The following TBX2 variants were observed in gnomAD, a reference collection of about 807,000 sequenced individuals.
The protein encoded by TBX2 is T-box transcription factor TBX2.
TBX2 carries 19 observed loss-of-function variants against 48.4 expected under a neutral mutation model. The observed-to-expected ratio is 0.39, with a 90% CI of 0.27 to 0.58. The LOEUF is 0.58. TBX2 is among the 20% of genes least tolerant of loss of function. The pLI is 0.54. For synonymous variants in TBX2, 522 were observed against 459.7 expected (o/e 1.14, Z -1.73); for missense variants, 994 against 1,006.5 (o/e 0.99, Z 0.17).
chr17:61,400,771 A>G lies in TBX2; in HGVS notation c.395+200A>G, dbSNP rs2060260858. Among the ~76,000 whole-genome samples the G allele has an allele frequency of 6.6e-6, 1 of 152,286 alleles. No individual in the cohort carries two copies. The highest frequency in any genetic ancestry group is 1.9e-4 in the East Asian group (1 of 5,168). On this transcript the variant is annotated intron_variant, in intron 1 of 6. Coordinates refer to ENST00000240328, the MANE Select transcript of TBX2 (RefSeq NM_005994.4). This position sits in a 1 kb window ranked among gnomAD's most constrained non-coding sequence, Gnocchi z 9.2. ...ACCGGAGCGATTTTTTTTTAAAACA[A>G]AAACGCTAAAATCCTCCGAATGAAA...
Position 61,405,335 on chromosome 17 carries a change from C to T in TBX2, c.1185C>T (p.Arg395=). Residue 395 remains arginine, a synonymous_variant, in exon 6 of 7, where the codon CGC becomes CGT. Transcript: ENST00000240328. ...ASPTRLTEPE[R]ARERRSPERG... is the part of the protein sequence containing the mutation. ...CCACTCGCTTGACCGAACCCGAGCG[C>T]GCCCGGGAGCGGCGTAGTCCCGAGA... 1 of 1,545,558 alleles carries T rather than the reference C, an allele frequency of 6.5e-7. No homozygotes were observed. The highest frequency in any genetic ancestry group is 8.7e-7 in the Non-Finnish European group (1 of 1,152,240).
In TBX2 at chr17:61,405,706, G is replaced by A; in HGVS notation, c.1556G>A (p.Gly519Asp). The A allele has an allele frequency of 7.3e-7, 1 of 1,377,186 alleles. No homozygotes were observed. The allele number at this position is 1,377,186 out of a possible 1,614,324, so 85.3% of individuals were successfully genotyped here. The change falls in exon 6 of 7, where the codon GGC (glycine) becomes GAC (aspartate). Residue 519 changes from glycine (G) to aspartate (D), a missense_variant. This residue lies in a region of TBX2 where 639 missense variants were observed against 613.2 expected (regional missense o/e 1.04). Coordinates refer to ENST00000240328, the MANE Select transcript of TBX2 (RefSeq NM_005994.4). ...CTACTGGCCTCGGTGGCAGGCGGCGGCAACGGCGGAGGTGGCGGGCCTGGG... is the reference window on the plus strand; with the variant it reads ...CTACTGGCCTCGGTGGCAGGCGGCGACAACGGCGGAGGTGGCGGGCCTGGG... ...GHLLASVAGGGNGGGGGPGTA... is the reference protein window; with the variant it reads ...GHLLASVAGGDNGGGGGPGTA...
In TBX2 at chr17:61,403,469, T is replaced by C. The variant is rs940735276; in HGVS notation, c.810+262T>C. Among the ~76,000 whole-genome samples the C allele has an allele frequency of 1.3e-5, 2 of 152,294 alleles. No individual in the cohort carries two copies. Among genetic ancestry groups the C allele is most frequent in the South Asian group, 2.1e-4 (1 of 4,838 alleles). ...CCGTCGTTCTGATGGAGATGTTTAC[T>C]TAACAATTAGCTGAGACTCCGGGCC... On this transcript the variant is annotated intron_variant, in intron 3 of 6. Coordinates refer to ENST00000240328, the MANE Select transcript of TBX2 (RefSeq NM_005994.4). The surrounding 1 kb of genome is among the most constrained non-coding windows in gnomAD (Gnocchi z 5.8).
At chr17:61,401,988 T>A (rs369052605) in intron 2 of TBX2, 37 bp downstream of exon 2, 2 of 1,550,296 alleles carry the variant, frequency 1.3e-6, no homozygotes, top group African/African-American at 1.4e-5. Flanking sequence ...GTGCAGGAGC[T>A]TGTTGACCCA....
In TBX2 at chr17:61,404,752, G is replaced by T. The variant is rs370843795; in HGVS notation, c.1034G>T (p.Arg345Leu). The T allele has an allele frequency of 6.5e-7, 1 of 1,548,366 alleles. No individual in the cohort carries two copies. The highest frequency in any genetic ancestry group is 8.7e-7 in the Non-Finnish European group (1 of 1,149,524). ...CCGGGCGCAGCGCCCAGTCCGCTGC[G>T]CCTGCACCGGGCCCGAGGTGAGGGT... is the stretch of plus-strand genomic sequence containing the variant. Reference protein sequence around the residue: ...TSPGAAPSPLRLHRARAEEKS... With the variant: ...TSPGAAPSPLLLHRARAEEKS... The change falls in exon 5 of 7, where the codon CGC (arginine) becomes CTC (leucine). Residue 345 changes from arginine to leucine, a missense_variant. Arg to Leu is a moderately radical substitution (Grantham distance 102, BLOSUM62 -2). Around this residue, in one of 5 missense-constraint regions of TBX2, gnomAD observed 639 missense variants for 613.2 expected, o/e 1.04. Transcript: ENST00000240328.
At chr17:61,401,997 C>A in intron 2 of TBX2, 46 bp downstream of exon 2, 1 of 1,540,552 alleles carries the variant, frequency 6.5e-7, no homozygotes, top group Non-Finnish European at 8.7e-7. Context: ...CTTGTTGACC[C>A]AGCACTGCAG....
rs1364709483 is a variant in TBX2, at chr17:61,400,235, G to A, written c.59G>A (p.Arg20Gln). The change falls in exon 1 of 7, where the codon CGG becomes CAG. Residue 20 changes from arginine to glutamine, a missense_variant. Physicochemically the swap from Arg to Gln is conservative, Grantham distance 43. Coordinates refer to ENST00000240328, the MANE Select transcript of TBX2 (RefSeq NM_005994.4). The surrounding 1 kb of genome is among the most constrained non-coding windows in gnomAD (Gnocchi z 9.2). ...AMAYHPFHAP[R>Q]PADFPMSAFL... is the part of the protein sequence containing the mutation. Reference sequence around the variant, plus strand: ...GCTTACCACCCGTTCCACGCGCCACGGCCCGCCGACTTCCCCATGTCCGCC... The same window carrying A: ...GCTTACCACCCGTTCCACGCGCCACAGCCCGCCGACTTCCCCATGTCCGCC... 62 of 1,215,720 alleles carry A rather than the reference G, an allele frequency of 5.1e-5. No individual in the cohort carries two copies. The highest frequency in any genetic ancestry group is 6.2e-5 in the Non-Finnish European group (59 of 952,210). 75.3% of individuals were successfully genotyped at this position (1,215,720 alleles called of 1,614,324 possible).
rs1267601262 is a variant in TBX2, at chr17:61,401,091, C to T, written c.395+520C>T. Among the ~76,000 whole-genome samples, 7 of 152,194 alleles carry T rather than the reference C, an allele frequency of 4.6e-5. No individual in the cohort carries two copies. In the East Asian group the frequency reaches 9.7e-4, roughly 21 times the overall value. The stretch of plus-strand genomic sequence containing the variant: ...CGGGCTGGGAGCCCTTTCTCCACCG[C>T]GGGCATCCGAGCCCTGGACGCATCC... On this transcript the variant is annotated intron_variant, in intron 1 of 6. Coordinates refer to ENST00000240328, the MANE Select transcript of TBX2 (RefSeq NM_005994.4).
chr17:61,403,340 G>T lies in TBX2; in HGVS notation c.810+133G>T. On this transcript the variant is annotated intron_variant, in intron 3 of 6. Coordinates refer to ENST00000240328, the MANE Select transcript of TBX2 (RefSeq NM_005994.4). The surrounding 1 kb of genome is among the most constrained non-coding windows in gnomAD (Gnocchi z 5.8). Reference sequence around the variant, plus strand: ...CTCTTGCGGCCCGCCCCCGAGCACCGAGCCTCGCATCCATACGCGCAGCAC... The same window carrying T: ...CTCTTGCGGCCCGCCCCCGAGCACCTAGCCTCGCATCCATACGCGCAGCAC... The T allele has an allele frequency of 1.4e-6, 2 of 1,396,000 alleles. No individual in the cohort carries two copies. Among genetic ancestry groups the T allele is most frequent in the Non-Finnish European group, 9.6e-7 (1 of 1,045,840 alleles). The allele number at this position is 1,396,000 out of a possible 1,614,324, so 86.5% of individuals were successfully genotyped here. A position where few individuals can be genotyped will look rare whatever the true frequency, so the allele number is the denominator to read the frequency against.
At chr17:61,404,005 G>T (rs560843159) in intron 3 of TBX2, among the ~76,000 whole-genome samples, 1 of 152,186 alleles carries the variant, frequency 6.6e-6, no homozygotes, top group Non-Finnish European at 1.5e-5. Context: ...ACTTGCGTGT[G>T]TGCGAGCCCG....
At position 61,408,773 on chromosome 17, in the gene TBX2, G is replaced by A; in HGVS notation, c.*267G>A. 2 of 382,620 alleles carry A rather than the reference G, an allele frequency of 5.2e-6. No individual in the cohort carries two copies. 23.7% of individuals were successfully genotyped at this position (382,620 alleles called of 1,614,324 possible). A position where few individuals can be genotyped will look rare whatever the true frequency, so the allele number is the denominator to read the frequency against. ...CAGCGTCAAGGTGGCATCCGAAGGTGTCTCTGGTCTTCCAGCGAGGTGGGA... is the reference window on the plus strand; with the variant it reads ...CAGCGTCAAGGTGGCATCCGAAGGTATCTCTGGTCTTCCAGCGAGGTGGGA... On this transcript the variant is annotated 3_prime_UTR_variant, in exon 7 of 7. Transcript: ENST00000240328.
At chr17:61,407,933 C>T (rs902668020) in intron 6 of TBX2, 121 bp from the exon 7 acceptor site, 77 of 1,275,850 alleles carry the variant, frequency 6.0e-5, no homozygotes, top group Non-Finnish European at 7.8e-5. Flanking sequence ...TATAGTTATG[C>T]GAATTGTGGT....
At position 61,404,657 on chromosome 17, in the gene TBX2, C is replaced by G. The variant is rs1300801858; in HGVS notation, c.939C>G (p.Pro313=). 6 of 1,589,740 alleles carry G rather than the reference C, an allele frequency of 3.8e-6. No individual in the cohort carries two copies. The highest frequency in any genetic ancestry group is 2.3e-5 in the East Asian group (1 of 44,190). The change falls in exon 5 of 7, where the codon CCC becomes CCG. Residue 313 remains proline (P), a synonymous_variant. Coordinates refer to ENST00000240328, the MANE Select transcript of TBX2 (RefSeq NM_005994.4). ...SLRLYEEHCK[P]ERDGAESDAS... is the part of the protein sequence containing the mutation. ...GCTTGTACGAGGAGCACTGCAAACC[C>G]GAGCGCGATGGCGCGGAGTCAGACG... is the stretch of plus-strand genomic sequence containing the variant.
rs1569018378 is a variant in TBX2 at position 61,408,690 on chromosome 17, A to G, written c.*184A>G. 1.4e-5 allele frequency: 7 copies of G among 512,968 alleles called. No homozygotes were observed. The highest frequency in any genetic ancestry group is 2.2e-5 in the Non-Finnish European group (7 of 316,642). 31.8% of individuals were successfully genotyped at this position (512,968 alleles called of 1,614,324 possible). On this transcript the variant is annotated 3_prime_UTR_variant, in exon 7 of 7. Coordinates refer to ENST00000240328, the MANE Select transcript of TBX2 (RefSeq NM_005994.4). ...GACACTTCCCTGGGCCTCAACAAGGATCAGGCTGCTGGAAACACAGTCACT... is the reference window on the plus strand; with the variant it reads ...GACACTTCCCTGGGCCTCAACAAGGGTCAGGCTGCTGGAAACACAGTCACT...
In TBX2 at chr17:61,403,015, C is replaced by G; in HGVS notation, c.664-46C>G. The G allele has an allele frequency of 1.9e-6, 3 of 1,564,740 alleles. No individual in the cohort carries two copies. Among genetic ancestry groups the G allele is most frequent in the Non-Finnish European group, 2.6e-6 (3 of 1,161,704 alleles). Reference sequence around the variant, plus strand: ...CAGGTACCCAAAGAATAGAAAAGCTCGGGCCGGGGCTGGTGGCTGCCGGCT... The same window carrying G: ...CAGGTACCCAAAGAATAGAAAAGCTGGGGCCGGGGCTGGTGGCTGCCGGCT... On this transcript the variant is annotated intron_variant, in intron 2 of 6. Coordinates refer to ENST00000240328, the MANE Select transcript of TBX2 (RefSeq NM_005994.4). This position sits in a 1 kb window ranked among gnomAD's most constrained non-coding sequence, Gnocchi z 5.8.
At position 61,408,259 on chromosome 17, in the gene TBX2, C is replaced by G; in HGVS notation, c.1892C>G (p.Pro631Arg). 1 of 1,612,850 alleles carries G rather than the reference C, an allele frequency of 6.2e-7. No individual in the cohort carries two copies. The highest frequency in any genetic ancestry group is 8.5e-7 in the Non-Finnish European group (1 of 1,179,920). ...FSPYQIPVTI[P>R]PSTSLLTTGL... ...CCCTATCAGATCCCGGTCACCATCCCGCCTAGCACTAGCCTCCTCACCACC... is the reference window on the plus strand; with the variant it reads ...CCCTATCAGATCCCGGTCACCATCCGGCCTAGCACTAGCCTCCTCACCACC... Residue 631 changes from proline (P) to arginine (R), a missense_variant, in exon 7 of 7, where the codon CCG becomes CGG. Pro to Arg is a moderately radical substitution (Grantham distance 103). Coordinates refer to ENST00000240328, the MANE Select transcript of TBX2 (RefSeq NM_005994.4).
At chr17:61,407,814 C>T (rs1371315599) in intron 6 of TBX2, 2 of 542,530 alleles carry the variant, frequency 3.7e-6, no homozygotes, top group Non-Finnish European at 6.4e-6. Context: ...TAATGCCCAG[C>T]ACAGAACTTG....
Position 61,403,114 on chromosome 17 carries a change from C to G in TBX2, c.717C>G (p.Ala239=). The G allele has an allele frequency of 6.2e-7, 1 of 1,613,838 alleles. No homozygotes were observed. The highest frequency in any genetic ancestry group is 8.5e-7 in the Non-Finnish European group (1 of 1,180,028). ...KYQPRFHIVR[A]NDILKLPYST... Reference sequence around the variant, plus strand: ...AGCCGCGCTTCCACATAGTGCGAGCCAACGACATCCTGAAGCTGCCTTACA... The same window carrying G: ...AGCCGCGCTTCCACATAGTGCGAGCGAACGACATCCTGAAGCTGCCTTACA... Residue 239 remains alanine, a synonymous_variant, in exon 3 of 7, where the codon GCC becomes GCG. Coordinates refer to ENST00000240328, the MANE Select transcript of TBX2 (RefSeq NM_005994.4). This position sits in a 1 kb window ranked among gnomAD's most constrained non-coding sequence, Gnocchi z 5.8.
Position 61,408,506 on chromosome 17 carries a change from A to G in TBX2, c.2139A>G (p.Ter713TrpextTer33). 6.9e-7 allele frequency: 1 copy of G among 1,440,416 alleles called. No individual in the cohort carries two copies. Among genetic ancestry groups the G allele is most frequent in the Non-Finnish European group, 9.1e-7 (1 of 1,097,214 alleles). The allele number at this position is 1,440,416 out of a possible 1,614,324, so 89.2% of individuals were successfully genotyped here. The change falls in exon 7 of 7, where the codon TGA (stop) becomes TGG (tryptophan). Residue 713 changes from the stop codon to tryptophan, a stop_lost. Transcript: ENST00000240328. ...CCCCAGGCCGGGAGTCGCCCAAGTG[A>G]GGGGCTGCCCAGCTGCTCCCCTGCC... ...ALSPGRESPK[*>W]
Sources: gnomAD v4.1 joint callset for allele counts (sites outside exome capture counted in the v4.1 genomes callset) on GRCh38, gnomAD v4.1.1 for gene constraint, gnomAD v4.1.1 regional missense constraint, Gnocchi (gnomAD v3.1) non-coding constraint, MANE v1.5 for transcripts, NCBI Gene and HGNC (gene_info 2026-07-23, HGNC 2026-07-21) for gene names.